Variants in PCDHA2 observed in about 807,000 individuals in gnomAD.
The protein encoded by PCDHA2 is protocadherin alpha-2.
In PCDHA2, 58 loss-of-function variants were observed where a neutral mutation model predicts 66.0. The observed-to-expected ratio is 0.88, with a 90% CI of 0.71 to 1.09. PCDHA2 has a LOEUF of 1.09. Ranked by LOEUF, PCDHA2 falls within the 50% of genes least tolerant of loss-of-function variation. The pLI is 0.00. For missense variants in PCDHA2, 1,267 were observed against 1,242.3 expected (o/e 1.02, Z -0.30); for synonymous variants, 634 against 554.0 (o/e 1.14, Z -2.03).
intron 1 of PCDHA2, chr5:140,809,532 G>C: frequency 1.2e-6 from 2 of 1,613,958 alleles, no homozygotes; most frequent in Non-Finnish European, 1.7e-6. Context: ...TCTAGGGACA[G>C]AGAAGATCAG....
chr5:140,835,566 T>G, intron 1 of PCDHA2: 1 of 1,613,930 alleles, frequency 6.2e-7, no homozygotes, highest in African/African-American at 1.3e-5. Flanking sequence ...CCGCGTTCCC[T>G]TCAAGTTGGT....
intron 1 of PCDHA2, among the ~76,000 whole-genome samples, chr5:140,917,038 C>T (rs1342700377): frequency 6.6e-6 from 1 of 152,168 alleles, no homozygotes; most frequent in African/African-American, 2.4e-5. Context: ...CTGAGTCCAG[C>T]ACAGTGTTGT....
chr5:140,848,618 C>T lies in PCDHA2; in HGVS notation c.2388+51266C>T, dbSNP rs138258410. ...ACTCCGTCCCGGAGGAAGCCGAACA[C>T]GGCACCTTCGTGGGCCGCATCGCGC... is the stretch of plus-strand genomic sequence containing the variant. On this transcript the variant is annotated intron_variant, in intron 1 of 3. Transcript: ENST00000526136. The T allele has an allele frequency of 2.5e-3, 4,005 of 1,588,154 alleles. 452 individuals carry two copies. Among genetic ancestry groups the T allele is most frequent in the Middle Eastern group, 9.3e-3 (53 of 5,704 alleles).
chr5:140,836,498 C>T lies in PCDHA2; in HGVS notation c.2388+39146C>T. Reference sequence around the variant, plus strand: ...ACGTGTACCTGATCATCGCCATCTGCGCGGTGTCCAGTCTGTTGGTGCTTA... The same window carrying T: ...ACGTGTACCTGATCATCGCCATCTGTGCGGTGTCCAGTCTGTTGGTGCTTA... On this transcript the variant is annotated intron_variant, in intron 1 of 3. Transcript: ENST00000526136. The T allele has an allele frequency of 1.9e-6, 3 of 1,613,896 alleles. No homozygotes were observed. In the South Asian group the frequency reaches 3.3e-5, roughly 18 times the overall value.
chr5:140,992,017 CTGTGTGTGTG>C (rs10602499), intron 3 of PCDHA2, among the ~76,000 whole-genome samples: 1 of 145,512 alleles, frequency 6.9e-6, no homozygotes, highest in Non-Finnish European at 1.5e-5. Context: ...AGAGGTGGCT[CTGTGTGTGTG>C]TGTGTGTGTG....
intron 1 of PCDHA2, chr5:140,836,852 A>AT (rs1364228516): frequency 6.2e-6 from 5 of 810,820 alleles, no homozygotes; most frequent in Non-Finnish European, 9.4e-6. Context: ...TATAATTATT[A>AT]TTTTTTAATG....
At chr5:140,821,893 C>T in intron 1 of PCDHA2, 1 of 1,614,248 alleles carries the variant, frequency 6.2e-7, no homozygotes, top group Non-Finnish European at 8.5e-7. Flanking sequence ...GGAAGCCAAA[C>T]ACGGAACCTT....
Position 140,795,506 on chromosome 5 carries a change from A to T in PCDHA2, c.542A>T (p.Asp181Val), listed in dbSNP as rs147884726. ...AGCTCCAGTGAGTTTTTCTTCCTAG[A>T]TATACAGGCAAATGATGAACTAAGC... ...KLSSSEFFFLDIQANDELSES... is the reference protein window; with the variant it reads ...KLSSSEFFFLVIQANDELSES... The change falls in exon 1 of 4, where the codon GAT becomes GTT. Residue 181 changes from aspartate (D) to valine (V), a missense_variant. Asp to Val is a radical substitution (Grantham distance 152). Coordinates refer to ENST00000526136, the MANE Select transcript of PCDHA2 (RefSeq NM_018905.3). 60 of 1,614,132 alleles carry T rather than the reference A, an allele frequency of 3.7e-5. No individual in the cohort carries two copies. In the African/African-American group the frequency reaches 7.3e-4, roughly 20 times the overall value.
chr5:140,884,733 T>A (rs782206169), intron 1 of PCDHA2: 2 of 1,448,004 alleles, frequency 1.4e-6, no homozygotes, highest in African/African-American at 1.4e-5. Flanking sequence ...GTTTAAGACA[T>A]CTTTCCTGCC....
intron 1 of PCDHA2, among the ~76,000 whole-genome samples, chr5:140,902,432 C>T (rs566549203): frequency 1.3e-5 from 2 of 152,128 alleles, no homozygotes; most frequent in African/African-American, 4.8e-5. Flanking sequence ...AAGTGGGCAT[C>T]CTTGTCATAT....
chr5:140,938,439 A>C (rs2092064072), intron 1 of PCDHA2, among the ~76,000 whole-genome samples: 1 of 152,208 alleles, frequency 6.6e-6, no homozygotes, highest in African/African-American at 2.4e-5. Flanking sequence ...TATCAGATTT[A>C]TTAAGTTCCC....
At chr5:140,823,949 A>G in intron 1 of PCDHA2, 1 of 1,613,920 alleles carries the variant, frequency 6.2e-7, no homozygotes, top group Non-Finnish European at 8.5e-7. Context: ...TGCTCGGCGC[A>G]GCCCACCGAG....
chr5:140,801,692 T>C (rs782155880), intron 1 of PCDHA2: 1 of 1,614,188 alleles, frequency 6.2e-7, no homozygotes, highest in East Asian at 2.2e-5. Context: ...TCGGAACAAA[T>C]TCGTTGTTGA....
Position 140,796,457 on chromosome 5 carries a change from G to C in PCDHA2, c.1493G>C (p.Arg498Pro). 1 of 1,612,758 alleles carries C rather than the reference G, an allele frequency of 6.2e-7. No homozygotes were observed. The highest frequency in any genetic ancestry group is 8.5e-7 in the Non-Finnish European group (1 of 1,179,856). The change falls in exon 1 of 4, where the codon CGG (arginine) becomes CCG (proline). Residue 498 changes from arginine (R) to proline (P), a missense_variant. Physicochemically the swap from Arg to Pro is moderately radical, Grantham distance 103. Coordinates refer to ENST00000526136, the MANE Select transcript of PCDHA2 (RefSeq NM_018905.3). ...GTGTCCTACTCGCTGGTGGAGCGGC[G>C]GGTGGGCGAGCGCGCGTTGTCGAGC... The part of the protein sequence containing the change: ...ALVSYSLVER[R>P]VGERALSSYV...
At chr5:140,995,281 A>G (rs1159938577) in intron 3 of PCDHA2, among the ~76,000 whole-genome samples, 1 of 152,144 alleles carries the variant, frequency 6.6e-6, no homozygotes. Context: ...TGATACCAAA[A>G]CAGCCAGTCG....
At chr5:140,978,896 G>T in intron 1 of PCDHA2, 53 bp from the exon 2 acceptor site, 1 of 1,612,808 alleles carries the variant, frequency 6.2e-7, no homozygotes, top group South Asian at 1.1e-5. Context: ...CAGCATTCCT[G>T]GGAGAACATT....
chr5:140,911,605 T>C (rs2075559169), intron 1 of PCDHA2, among the ~76,000 whole-genome samples: 1 of 152,224 alleles, frequency 6.6e-6, no homozygotes, highest in Non-Finnish European at 1.5e-5. Context: ...AACTTCATTA[T>C]GTTCCTTAGT....
At chr5:140,981,458 C>T (rs1465511355) in intron 2 of PCDHA2, among the ~76,000 whole-genome samples, 5 of 152,134 alleles carry the variant, frequency 3.3e-5, no homozygotes, top group African/African-American at 4.8e-5. Flanking sequence ...CCTGTAGTCC[C>T]AGCTACTTGG....
chr5:141,001,387 C>T (rs1282982040), intron 3 of PCDHA2, among the ~76,000 whole-genome samples: 3 of 152,188 alleles, frequency 2.0e-5, no homozygotes, highest in African/African-American at 7.2e-5. Context: ...GCCTAAGATC[C>T]TACAGAGAAC....
Sources: allele counts gnomAD v4.1 joint callset (sites outside exome capture counted in the v4.1 genomes callset), GRCh38; gene constraint gnomAD v4.1.1; transcripts MANE v1.5; gene names NCBI Gene and HGNC (gene_info 2026-07-23, HGNC 2026-07-21).